NEBL: variants seen among roughly 807,000 people sequenced by gnomAD.
The protein encoded by NEBL is LIM and SH3 protein 2.
Under a neutral mutation model 140.2 loss-of-function variants are expected in NEBL, and 122 were observed. That is an observed-to-expected ratio of 0.87 (90% CI 0.75 to 1.01). NEBL has a LOEUF of 1.01. NEBL is among the 50% of genes least tolerant of loss of function. The probability of loss-of-function intolerance (pLI) is 0.00; values close to 1 mark genes in which losing one functional copy is unlikely to be tolerated. For synonymous variants in NEBL, 436 were observed against 398.9 expected (o/e 1.09, Z -1.11); for missense variants, 1,365 against 1,231.3 (o/e 1.11, Z -1.62).
intron 19 of NEBL, 102 bp from the exon 20 acceptor site, chr10:20,819,618 C>T: frequency 2.9e-6 from 4 of 1,361,684 alleles, no homozygotes; most frequent in South Asian, 1.2e-5. Context: ...ACAGAACATT[C>T]ATTAATAAGA....
intron 26 of NEBL, among the ~76,000 whole-genome samples, chr10:20,797,831 G>A (rs1836706126): frequency 6.6e-6 from 1 of 151,986 alleles, no homozygotes; most frequent in South Asian, 2.1e-4. Flanking sequence ...TAGACATGGT[G>A]GTTCCATGCC....
chr10:21,099,226 T>A (rs1287034541), intron 2 of NEBL, among the ~76,000 whole-genome samples: 1 of 152,190 alleles, frequency 6.6e-6, no homozygotes, highest in Non-Finnish European at 1.5e-5. Flanking sequence ...ACTGAGTAAA[T>A]TATTAAACTA....
rs370164848 is a variant in NEBL at position 20,812,975 on chromosome 10, G to A, written c.2347-35C>T. 4.3e-5 allele frequency: 67 copies of A among 1,568,540 alleles called. No homozygotes were observed. In the Middle Eastern group the frequency reaches 5.1e-4, roughly 12 times the overall value. The stretch of plus-strand genomic sequence containing the variant: ...GAAAAATCATCATACTGAATTTTGC[G>A]GATAGTTACCTCTTTCACAACATTT... On this transcript the variant is annotated intron_variant, in intron 23 of 27. Coordinates refer to ENST00000377122, the MANE Select transcript of NEBL (RefSeq NM_006393.3).
intron 1 of NEBL, among the ~76,000 whole-genome samples, chr10:21,288,851 A>ATAT (rs1337610393): frequency 1.5e-3 from 47 of 32,166 alleles, no homozygotes; most frequent in African/African-American, 3.8e-3. Context: ...TATATATATA[A>ATAT]AAATTTTTTT....
chr10:20,832,277 A>T lies in NEBL; in HGVS notation c.1450-694T>A, dbSNP rs1056224402. Among the ~76,000 whole-genome samples, 6 of 152,212 alleles carry T rather than the reference A, an allele frequency of 3.9e-5. No homozygotes were observed. In the South Asian group the frequency reaches 1.2e-3, roughly 32 times the overall value. ...GGGATGCATGCATCTTTTTTTCCAT[A>T]TAAGAGCTGCTGGAAGCCTCTTTGC... On this transcript the variant is annotated intron_variant, in intron 14 of 27. Transcript: ENST00000377122.
At chr10:20,885,377 A>C (rs1405425670) in intron 4 of NEBL, among the ~76,000 whole-genome samples, 2 of 152,208 alleles carry the variant, frequency 1.3e-5, no homozygotes, top group Non-Finnish European at 2.9e-5. Context: ...TTCAAAGTCT[A>C]GGTTTTTCTT....
chr10:21,266,095 C>T (rs550766990), intron 1 of NEBL, among the ~76,000 whole-genome samples: 30 of 152,090 alleles, frequency 2.0e-4, no homozygotes, highest in African/African-American at 5.3e-4. Context: ...CATATCTGAT[C>T]GATCACCAGG....
intron 3 of NEBL, among the ~76,000 whole-genome samples, chr10:21,204,241 G>A (rs1417820975): frequency 2.0e-5 from 3 of 152,164 alleles, no homozygotes; most frequent in Non-Finnish European, 1.5e-5. Flanking sequence ...AATCCAAACT[G>A]CTTGTCTTCT....
chr10:20,824,231 G>GAAT (rs1839625212), intron 18 of NEBL, among the ~76,000 whole-genome samples: 1 of 152,142 alleles, frequency 6.6e-6, no homozygotes, highest in South Asian at 2.1e-4. Context: ...TTAAGAGGCC[G>GAAT]TGTTGAAATT....
At chr10:20,862,398 G>A (rs1222317054) in intron 7 of NEBL, among the ~76,000 whole-genome samples, 2 of 152,104 alleles carry the variant, frequency 1.3e-5, no homozygotes, top group Non-Finnish European at 2.9e-5. Context: ...GCACGGACCA[G>A]ACACTGACAC....
At chr10:20,811,494 T>C (rs1838133855) in intron 24 of NEBL, among the ~76,000 whole-genome samples, 1 of 152,192 alleles carries the variant, frequency 6.6e-6, no homozygotes, top group South Asian at 2.1e-4. Context: ...TCACAACTCA[T>C]CCATCCAACT....
intron 3 of NEBL, among the ~76,000 whole-genome samples, chr10:21,208,412 C>G (rs1231588595): frequency 6.6e-6 from 1 of 152,126 alleles, no homozygotes; most frequent in African/African-American, 2.4e-5. Context: ...AGGTACTGAA[C>G]AACTACAAGG....
At chr10:21,260,065 G>A (rs1285781682) in intron 1 of NEBL, among the ~76,000 whole-genome samples, 1 of 152,200 alleles carries the variant, frequency 6.6e-6, no homozygotes, top group African/African-American at 2.4e-5. Flanking sequence ...GTCCTGCCTT[G>A]CATCTGGGTT....
intron 4 of NEBL, 118 bp from the exon 5 acceptor site, chr10:20,881,022 C>A: frequency 1.3e-6 from 1 of 769,160 alleles, no homozygotes; most frequent in South Asian, 1.5e-5. Flanking sequence ...GTTAATTTGC[C>A]TAAATCTCTG....
intron 4 of NEBL, among the ~76,000 whole-genome samples, chr10:20,926,879 A>C (rs1411414162): frequency 6.6e-6 from 1 of 152,224 alleles, no homozygotes; most frequent in Non-Finnish European, 1.5e-5. Context: ...ATTCCCATCA[A>C]CTAAGCACAA....
chr10:21,047,959 C>T (rs887168937), intron 2 of NEBL, among the ~76,000 whole-genome samples: 1 of 152,194 alleles, frequency 6.6e-6, no homozygotes, highest in African/African-American at 2.4e-5. Context: ...AGCTTAGAAC[C>T]TTCCCTTTTT....
Position 20,785,403 on chromosome 10 carries a change from T to G in NEBL, c.*344A>C. 1 of 318,574 alleles carries G rather than the reference T, an allele frequency of 3.1e-6. No individual in the cohort carries two copies. The highest frequency in any genetic ancestry group is 2.1e-5 in the African/African-American group (1 of 46,612). 19.7% of individuals were successfully genotyped at this position (318,574 alleles called of 1,614,324 possible). A position where few individuals can be genotyped will look rare whatever the true frequency, so the allele number is the denominator to read the frequency against. ...TGATTCCAAAGTGACAGCTAAGAAG[T>G]TTCAAACACACACTACATTTAAGGG... On this transcript the variant is annotated 3_prime_UTR_variant, in exon 28 of 28. Transcript: ENST00000377122.
intron 2 of NEBL, among the ~76,000 whole-genome samples, chr10:21,082,839 T>C (rs1187724746): frequency 7.0e-6 from 1 of 142,900 alleles, no homozygotes; most frequent in Non-Finnish European, 1.5e-5. Context: ...CTCGGCTCAC[T>C]GCAACCTCCA....
At chr10:20,959,327 C>T (rs982462435) in intron 4 of NEBL, among the ~76,000 whole-genome samples, 9 of 152,208 alleles carry the variant, frequency 5.9e-5, no homozygotes, top group East Asian at 1.9e-4. Context: ...CATCTCTAGC[C>T]GGAAGATTCT....
Sources: allele counts gnomAD v4.1 joint callset (sites outside exome capture counted in the v4.1 genomes callset), GRCh38; gene constraint gnomAD v4.1.1; transcripts MANE v1.5; gene names NCBI Gene and HGNC (gene_info 2026-07-23, HGNC 2026-07-21).